Variants in DOCK1 observed in about 807,000 individuals in gnomAD.
DOCK1 encodes the protein dedicator of cytokinesis protein 1.
DOCK1 carries 138 observed loss-of-function variants against 262.7 expected under a neutral mutation model. That is an observed-to-expected ratio of 0.53 (90% CI 0.46 to 0.61). The LOEUF (loss-of-function observed/expected upper bound fraction) is 0.61, where lower values mean the gene tolerates loss of function less well. Ranked by LOEUF, DOCK1 falls within the 20% of genes least tolerant of loss-of-function variation. The pLI is 0.00. For synonymous variants in DOCK1, 866 were observed against 867.4 expected (o/e 1.00, Z 0.03); for missense variants, 1,908 against 2,370.7 (o/e 0.80, Z 4.05).
intron 25 of DOCK1, among the ~76,000 whole-genome samples, chr10:127,114,151 G>A (rs2049032216): frequency 6.6e-6 from 1 of 152,146 alleles, no homozygotes; most frequent in Admixed American, 6.6e-5. Context: ...GCCTTCCATA[G>A]GATGAGAACT....
chr10:127,100,301 C>T lies in DOCK1; in HGVS notation c.2446-5930C>T, dbSNP rs939957841. On this transcript the variant is annotated intron_variant, in intron 23 of 51. Transcript: ENST00000623213. This position sits in a 1 kb window ranked among gnomAD's most constrained non-coding sequence, Gnocchi z 5.5. ...TGCTGTTTGTTCCGGGGGGAGTTAACAGCCTGAACCGAGGGCTCTGTCGCT... is the reference window on the plus strand; with the variant it reads ...TGCTGTTTGTTCCGGGGGGAGTTAATAGCCTGAACCGAGGGCTCTGTCGCT... Among the ~76,000 whole-genome samples, 10 of 152,088 alleles carry T rather than the reference C, an allele frequency of 6.6e-5. No homozygotes were observed. The highest frequency in any genetic ancestry group is 1.3e-4 in the Non-Finnish European group (9 of 68,016).
intron 23 of DOCK1, among the ~76,000 whole-genome samples, chr10:127,082,220 C>T (rs189819711): frequency 7.9e-4 from 121 of 152,292 alleles, no homozygotes; most frequent in African/African-American, 2.7e-3. Flanking sequence ...GTCATCTTCT[C>T]CTTCTTATGT....
Position 127,370,077 on chromosome 10 carries a change from C to A in DOCK1, c.3433-3704C>A, listed in dbSNP as rs150193961. 5.5e-3 allele frequency among the ~76,000 whole-genome samples: 839 copies of A among 152,254 alleles called. 2 individuals are homozygous for A. The highest frequency in any genetic ancestry group is 8.6e-3 in the Non-Finnish European group (583 of 68,008). ...TCCCACCCACCTCCCCCTGCACATG[C>A]TCAGGGGGTAAGGTGTGGTTGCGCA... On this transcript the variant is annotated intron_variant, in intron 33 of 51. Transcript: ENST00000623213.
At chr10:127,335,763 G>A (rs1301785187) in intron 29 of DOCK1, among the ~76,000 whole-genome samples, 2 of 151,072 alleles carry the variant, frequency 1.3e-5, no homozygotes, top group South Asian at 2.1e-4. Context: ...CGCCTAGGCT[G>A]GAGTGCAGTG....
intron 27 of DOCK1, among the ~76,000 whole-genome samples, chr10:127,220,159 G>T (rs2058371630): frequency 6.6e-6 from 1 of 151,706 alleles, no homozygotes; most frequent in Non-Finnish European, 1.5e-5. Flanking sequence ...GACCCCTCTT[G>T]TGTCTTCCTA....
At chr10:127,147,374 C>T (rs181940362) in intron 27 of DOCK1, among the ~76,000 whole-genome samples, 93 of 152,260 alleles carry the variant, frequency 6.1e-4, no homozygotes, top group Non-Finnish European at 5.0e-4. Flanking sequence ...TCCAAATCCT[C>T]CCTAACCTGG....
intron 1 of DOCK1, among the ~76,000 whole-genome samples, chr10:126,925,267 T>C (rs909370072): frequency 2.0e-5 from 3 of 152,258 alleles, no homozygotes; most frequent in Non-Finnish European, 4.4e-5. Context: ...CACACACACA[T>C]ATACATGTAG....
chr10:126,924,271 G>A (rs1466982523), intron 1 of DOCK1, among the ~76,000 whole-genome samples: 2 of 141,308 alleles, frequency 1.4e-5, no homozygotes, highest in Admixed American at 7.2e-5. Flanking sequence ...ACTCAGTAGG[G>A]GGAGGCTGTG....
chr10:126,969,346 CGCCT>C (rs2037919563), intron 1 of DOCK1, among the ~76,000 whole-genome samples: 1 of 152,156 alleles, frequency 6.6e-6, no homozygotes, highest in African/African-American at 2.4e-5. Context: ...AGGCTGCGTG[CGCCT>C]GAAATTCTGG....
chr10:127,261,068 GGTGT>G (rs1045852494), intron 29 of DOCK1, among the ~76,000 whole-genome samples: 1 of 105,266 alleles, frequency 9.5e-6, no homozygotes, highest in Non-Finnish European at 1.9e-5. Flanking sequence ...TGTGCATGTG[GGTGT>G]GTGTGTACCT....
intron 23 of DOCK1, among the ~76,000 whole-genome samples, chr10:127,074,629 A>G (rs2135952619): frequency 6.6e-6 from 1 of 152,344 alleles, no homozygotes; most frequent in South Asian, 2.1e-4. Context: ...TATTAAAACA[A>G]AGTAGGTTTT....
In DOCK1 at chr10:127,410,962, A is replaced by T. The variant is rs1006359214; in HGVS notation, c.4428+38A>T. On this transcript the variant is annotated intron_variant, in intron 43 of 51. Coordinates refer to ENST00000623213, the MANE Select transcript of DOCK1 (RefSeq NM_001290223.2). ...CAAACCACCAAACCAAACAACAAAAAATATCATTCCGCCACCAGTAGAACT... is the reference window on the plus strand; with the variant it reads ...CAAACCACCAAACCAAACAACAAAATATATCATTCCGCCACCAGTAGAACT... 2.5e-6 allele frequency: 4 copies of T among 1,595,694 alleles called. No individual in the cohort carries two copies. In the African/African-American group the frequency reaches 5.4e-5, roughly 21 times the overall value.
chr10:127,397,529 C>T (rs1476641910), intron 38 of DOCK1, among the ~76,000 whole-genome samples: 2 of 149,290 alleles, frequency 1.3e-5, no homozygotes, highest in Non-Finnish European at 3.0e-5. Context: ...GTTACACGGG[C>T]GGTGTCTCCT....
intron 23 of DOCK1, among the ~76,000 whole-genome samples, chr10:127,082,446 G>A (rs1419094845): frequency 6.6e-6 from 1 of 152,148 alleles, no homozygotes; most frequent in African/African-American, 2.4e-5. Context: ...GAGTAGCCAA[G>A]GCATGTCTTA....
At chr10:126,929,123 C>G (rs1564988779) in intron 1 of DOCK1, among the ~76,000 whole-genome samples, 1 of 152,210 alleles carries the variant, frequency 6.6e-6, no homozygotes, top group East Asian at 1.9e-4. Flanking sequence ...GGAATTGATT[C>G]TGCAATCCAG....
At chr10:127,420,735 A>G (rs2068451968) in intron 46 of DOCK1, among the ~76,000 whole-genome samples, 1 of 151,594 alleles carries the variant, frequency 6.6e-6, no homozygotes, top group South Asian at 2.1e-4. Flanking sequence ...GCTACTCAGG[A>G]GGCTGAGGCA....
At chr10:127,163,080 G>C (rs2053731765) in intron 27 of DOCK1, among the ~76,000 whole-genome samples, 1 of 152,208 alleles carries the variant, frequency 6.6e-6, no homozygotes, top group African/African-American at 2.4e-5. Context: ...AGCACTCCCA[G>C]CACCTTGTTT....
At chr10:127,397,234 C>T (rs2066929092) in intron 38 of DOCK1, among the ~76,000 whole-genome samples, 1 of 127,908 alleles carries the variant, frequency 7.8e-6, no homozygotes, top group African/African-American at 3.1e-5. Context: ...GCAGCGACTC[C>T]TATGTGATCT....
chr10:127,267,322 A>G (rs11017031), intron 29 of DOCK1, among the ~76,000 whole-genome samples: 50,506 of 152,134 alleles, frequency 0.33, 9,700 homozygotes, highest in South Asian at 0.57. Context: ...GATACTTTCC[A>G]TAACAGTTAT....
Sources: allele counts gnomAD v4.1 joint callset (sites outside exome capture counted in the v4.1 genomes callset), GRCh38; gene constraint gnomAD v4.1.1; non-coding constraint Gnocchi (gnomAD v3.1); transcripts MANE v1.5; gene names NCBI Gene and HGNC (gene_info 2026-07-23, HGNC 2026-07-21).